CD1B: variants seen among roughly 807,000 people sequenced by gnomAD.
CD1B encodes the protein T-cell surface glycoprotein CD1b.
In CD1B, 43 loss-of-function variants were observed where a neutral mutation model predicts 39.8. The observed-to-expected ratio is 1.08, with a 90% CI of 0.85 to 1.39. The LOEUF is 1.39. Ranked by LOEUF, CD1B falls within the 40% of genes most tolerant of loss-of-function variation. CD1B has a pLI of 0.00. For missense variants in CD1B, 495 were observed against 403.8 expected (o/e 1.23, Z -1.94); for synonymous variants, 192 against 152.5 (o/e 1.26, Z -1.91).
At chr1:158,325,555 G>A (rs911541956), downstream of CD1B, among the ~76,000 whole-genome samples, 2 of 152,000 alleles carry the variant, frequency 1.3e-5, no homozygotes, top group Non-Finnish European at 2.9e-5. Context: ...TTTAATTGTA[G>A]AGAAGTTTAT....
chr1:158,293,170 T>G, the CD1B span: 6 of 1,419,408 alleles, frequency 4.2e-6, no homozygotes, highest in Non-Finnish European at 5.9e-6. Flanking sequence ...GAATCAGCAG[T>G]GAGTTTAAAA....
chr1:158,330,940 A>C lies in CD1B; in HGVS notation c.184T>G (p.Ser62Ala). 2 of 1,614,150 alleles carry C rather than the reference A, an allele frequency of 1.2e-6. No individual in the cohort carries two copies. The highest frequency in any genetic ancestry group is 2.7e-5 in the African/African-American group (2 of 75,054). ...GGCTTCAGGAATATGGCAGTGCCTG[A>C]GTCGCTATCCCAGCCATGAATCTGC... ...DLQIHGWDSD[S>A]GTAIFLKPWS... Residue 62 changes from serine to alanine, a missense_variant, in exon 2 of 6, where the codon TCA becomes GCA. By Grantham distance (99) the Ser-to-Ala change is moderately conservative. Transcript: ENST00000368168.
chr1:158,314,201 C>G, the CD1B span, among the ~76,000 whole-genome samples: 1 of 152,162 alleles, frequency 6.6e-6, no homozygotes, highest in Non-Finnish European at 1.5e-5. Flanking sequence ...TCTCCTGATT[C>G]AGCCTCCCTA....
At chr1:158,289,802 G>C in the CD1B span, 1 of 402,594 alleles carries the variant, frequency 2.5e-6, no homozygotes, top group East Asian at 3.9e-5. Context: ...TTGAGGAAGG[G>C]AAGTAGATAT....
chr1:158,300,067 T>C, the CD1B span, among the ~76,000 whole-genome samples: 2 of 152,208 alleles, frequency 1.3e-5, no homozygotes, highest in African/African-American at 2.4e-5. Context: ...CTAGTTCTTT[T>C]AATGTGATGT....
the CD1B span, among the ~76,000 whole-genome samples, chr1:158,296,826 T>G: frequency 6.6e-6 from 1 of 152,220 alleles, no homozygotes; most frequent in African/African-American, 2.4e-5. Context: ...AAAGGCAGAA[T>G]AGACCACACT....
chr1:158,313,387 C>A, the CD1B span, among the ~76,000 whole-genome samples: 3 of 152,060 alleles, frequency 2.0e-5, no homozygotes, highest in Non-Finnish European at 4.4e-5. Flanking sequence ...CACATCTCAC[C>A]ACAGCCTCAA....
chr1:158,292,768 A>G, the CD1B span: 1 of 1,614,174 alleles, frequency 6.2e-7, no homozygotes, highest in Non-Finnish European at 8.5e-7. Context: ...CTGATGGGAC[A>G]TGGTATCTTC....
At chr1:158,289,961 T>C in the CD1B span, 20 of 1,006,820 alleles carry the variant, frequency 2.0e-5, no homozygotes, top group South Asian at 2.7e-4. Context: ...ATGGGGAAGA[T>C]TGTTGGTAGA....
the CD1B span, among the ~76,000 whole-genome samples, chr1:158,287,564 T>A: frequency 7.2e-5 from 11 of 152,024 alleles, no homozygotes; most frequent in African/African-American, 2.2e-4. Flanking sequence ...CCATTTAGGG[T>A]CCAGTATGAG....
intron 2 of CD1B, 117 bp downstream of exon 2, chr1:158,330,679 G>T: frequency 2.0e-6 from 2 of 976,452 alleles, no homozygotes; most frequent in Non-Finnish European, 3.3e-6. Context: ...AAAAGCATGT[G>T]CGTGCATTTG....
At chr1:158,303,990 C>G in the CD1B span, among the ~76,000 whole-genome samples, 1 of 151,964 alleles carries the variant, frequency 6.6e-6, no homozygotes, top group Non-Finnish European at 1.5e-5. Context: ...AGGAACAGCT[C>G]TAGTCTAGAG....
chr1:158,315,555 T>G, the CD1B span, among the ~76,000 whole-genome samples: 3 of 151,876 alleles, frequency 2.0e-5, no homozygotes, highest in Non-Finnish European at 2.9e-5. Flanking sequence ...TTCTCGATAT[T>G]AGCCCTTTGT....
the CD1B span, among the ~76,000 whole-genome samples, chr1:158,298,790 G>T: frequency 4.6e-5 from 7 of 152,138 alleles, no homozygotes; most frequent in Non-Finnish European, 8.8e-5. Context: ...GTGAATGGGA[G>T]TTCACTCATG....
chr1:158,304,883 G>A, the CD1B span, among the ~76,000 whole-genome samples: 1 of 152,196 alleles, frequency 6.6e-6, no homozygotes, highest in Non-Finnish European at 1.5e-5. Flanking sequence ...GGTCCTGACT[G>A]TTAGAAGGAA....
the CD1B span, among the ~76,000 whole-genome samples, chr1:158,309,585 T>A: frequency 6.6e-6 from 1 of 152,258 alleles, no homozygotes; most frequent in African/African-American, 2.4e-5. Context: ...CCAACCCAAA[T>A]GTCTAACAAT....
At chr1:158,289,982 A>C in the CD1B span, 1 of 1,264,908 alleles carries the variant, frequency 7.9e-7, no homozygotes, top group Non-Finnish European at 1.1e-6. Flanking sequence ...AGGAAGTCAG[A>C]ATATAGGTAC....
downstream of CD1B, among the ~76,000 whole-genome samples, chr1:158,324,152 T>G (rs10908647): frequency 0.15 from 23,318 of 152,146 alleles, 1,887 homozygotes; most frequent in East Asian, 0.28. Context: ...CTAGACACAT[T>G]GGTAGATGTT....
At chr1:158,288,888 G>A in the CD1B span, among the ~76,000 whole-genome samples, 22 of 152,166 alleles carry the variant, frequency 1.4e-4, no homozygotes, top group Admixed American at 7.2e-4. Flanking sequence ...ATCAAACATT[G>A]ACAAATGCTG....
Sources: gnomAD v4.1 joint callset for allele counts (sites outside exome capture counted in the v4.1 genomes callset) on GRCh38, gnomAD v4.1.1 for gene constraint, MANE v1.5 for transcripts, NCBI Gene and HGNC (gene_info 2026-07-23, HGNC 2026-07-21) for gene names.